SYMPK: variants seen among roughly 807,000 people sequenced by gnomAD.
SYMPK encodes symplekin.
Under a neutral mutation model 136.4 loss-of-function variants are expected in SYMPK, and 49 were observed. The ratio of observed to expected loss-of-function variants is 0.36; its 90% confidence interval spans 0.29 to 0.46. The LOEUF is 0.46. SYMPK is among the 20% of genes least tolerant of loss of function. SYMPK has a pLI of 1.00. For missense variants in SYMPK, 1,365 were observed against 1,690.0 expected (o/e 0.81, Z 3.37); for synonymous variants, 766 against 713.0 (o/e 1.07, Z -1.19).
In SYMPK at chr19:45,830,171, G is replaced by A; in HGVS notation, c.1632C>T (p.Phe544=). ...GGGGCTTCAGCACGTCGCTGAGACG[G>A]AAAATTTTCTTGCGCCCACCAGCGC... The part of the protein sequence containing the change: ...LAGAGGRKKI[F]RLSDVLKPLT... The change falls in exon 13 of 27, where the codon TTC becomes TTT. Residue 544 remains phenylalanine (F), a synonymous_variant. Coordinates refer to ENST00000245934, the MANE Select transcript of SYMPK (RefSeq NM_004819.3). The A allele has an allele frequency of 6.2e-7, 1 of 1,609,752 alleles. No homozygotes were observed. Among genetic ancestry groups the A allele is most frequent in the South Asian group, 1.1e-5 (1 of 90,126 alleles).
chr19:45,842,714 CT>C, intron 8 of SYMPK: 1 of 565,166 alleles, frequency 1.8e-6, no homozygotes. Flanking sequence ...CTCACCCTCT[CT>C]TTTAGTAAAT....
At chr19:45,830,529 C>T (rs4239536) in intron 12 of SYMPK, 222,521 of 259,938 alleles carry the variant, frequency 0.86, 95,432 homozygotes, top group East Asian at 0.9. Context: ...CTTGTGGGCA[C>T]GAGTGGAGGA....
At chr19:45,830,388 G>T in intron 12 of SYMPK, 184 bp from the exon 13 acceptor site, 1 of 675,826 alleles carries the variant, frequency 1.5e-6, no homozygotes, top group Non-Finnish European at 2.4e-6. Flanking sequence ...GGAAGAGGAT[G>T]TTATTTTGGT....
At chr19:45,829,286 C>T in intron 13 of SYMPK, 81 bp from the exon 14 acceptor site, 3 of 1,228,824 alleles carry the variant, frequency 2.4e-6, no homozygotes, top group Non-Finnish European at 2.3e-6. Context: ...ACTTCTCCCA[C>T]CCAGACGCAG....
chr19:45,847,020 C>T (rs920778719), intron 7 of SYMPK, among the ~76,000 whole-genome samples: 3 of 151,998 alleles, frequency 2.0e-5, no homozygotes, highest in Non-Finnish European at 4.4e-5. Context: ...TCTCGAACTC[C>T]TGACCCCAAG....
rs747043629 is a variant in SYMPK at position 45,848,782 on chromosome 19, T to C, written c.394A>G (p.Thr132Ala). 6.2e-7 allele frequency: 1 copy of C among 1,613,784 alleles called. No individual in the cohort carries two copies. Among genetic ancestry groups the C allele is most frequent in the South Asian group, 1.1e-5 (1 of 91,052 alleles). The change falls in exon 6 of 27, where the codon ACC (threonine) becomes GCC (alanine). Residue 132 changes from threonine to alanine, a missense_variant. Physicochemically the swap from Thr to Ala is moderately conservative, Grantham distance 58. Coordinates refer to ENST00000245934, the MANE Select transcript of SYMPK (RefSeq NM_004819.3). ...GCCACCTTGTAGAGCTGGGTCATGG[T>C]GAGGATAGCCTTCTTCACCACGTTC... Reference protein sequence around the residue: ...NVNVVKKAILTMTQLYKVALQ... With the variant: ...NVNVVKKAILAMTQLYKVALQ...
At chr19:45,824,106 C>G in intron 18 of SYMPK, 1 of 511,728 alleles carries the variant, frequency 2.0e-6, no homozygotes, top group South Asian at 2.1e-5. Flanking sequence ...CCTGGCTGGG[C>G]TGTCCTCCTG....
At chr19:45,857,620 T>C (rs1244768590) in intron 1 of SYMPK, among the ~76,000 whole-genome samples, 1 of 150,540 alleles carries the variant, frequency 6.6e-6, no homozygotes, top group Non-Finnish European at 1.5e-5. Flanking sequence ...GCCTCCCCAG[T>C]AGCTGGGACT....
intron 1 of SYMPK, among the ~76,000 whole-genome samples, chr19:45,856,642 C>T (rs1971829642): frequency 6.6e-6 from 1 of 152,118 alleles, no homozygotes; most frequent in Non-Finnish European, 1.5e-5. Context: ...CTGAAGGCTA[C>T]TGCATAAACT....
At chr19:45,855,258 A>G (rs1971796095) in intron 1 of SYMPK, 2 of 152,202 alleles carry the variant, frequency 1.3e-5, no homozygotes, top group Admixed American at 6.5e-5. Context: ...ATACATCACA[A>G]AAGGCCTGCT....
intron 9 of SYMPK, among the ~76,000 whole-genome samples, chr19:45,841,286 TCCC>T (rs34730430): frequency 4.9e-5 from 7 of 143,462 alleles, no homozygotes; most frequent in Non-Finnish European, 1.1e-4. Context: ...GCCTGGCAAT[TCCC>T]CCCCCACCTT....
In SYMPK at chr19:45,827,561, C is replaced by T. The variant is rs1424123539; in HGVS notation, c.2130G>A (p.Gln710=). The change falls in exon 16 of 27, where the codon CAG becomes CAA. Residue 710 remains glutamine, a synonymous_variant. Coordinates refer to ENST00000245934, the MANE Select transcript of SYMPK (RefSeq NM_004819.3). Reference sequence around the variant, plus strand: ...CGAGGAGGACATGCAGGTACTGGAACTGGCGGGACGGGCGCTTGAAGATCA... The same window carrying T: ...CGAGGAGGACATGCAGGTACTGGAATTGGCGGGACGGGCGCTTGAAGATCA... ...RDLIFKRPSR[Q]FQYLHVLLDL... 2.5e-6 allele frequency: 4 copies of T among 1,614,044 alleles called. No individual in the cohort carries two copies. The highest frequency in any genetic ancestry group is 3.4e-6 in the Non-Finnish European group (4 of 1,180,018).
chr19:45,848,948 G>C, intron 5 of SYMPK, 72 bp from the exon 6 acceptor site: 1 of 1,572,176 alleles, frequency 6.4e-7, no homozygotes, highest in Non-Finnish European at 8.7e-7. Context: ...CTGAGGTCCA[G>C]GAGGGAAGGG....
chr19:45,852,653 T>C (rs17651362), intron 3 of SYMPK, 118 bp from the exon 4 acceptor site: 189,303 of 1,228,840 alleles, frequency 0.15, 15,126 homozygotes, highest in Admixed American at 0.21. Context: ...TACACTCATT[T>C]CAATGCCTGG....
chr19:45,829,259 C>G, intron 13 of SYMPK, 54 bp from the exon 14 acceptor site: 1 of 1,482,306 alleles, frequency 6.7e-7, no homozygotes, highest in Non-Finnish European at 9.3e-7. Context: ...CCAGGGACTC[C>G]GCAATCGTGC....
intron 1 of SYMPK, chr19:45,862,579 G>A (rs1971994334): frequency 6.5e-6 from 1 of 153,600 alleles, no homozygotes; most frequent in Non-Finnish European, 1.4e-5. Flanking sequence ...AAGGAACACG[G>A]ACCGACAAAA....
intron 12 of SYMPK, 98 bp downstream of exon 12, chr19:45,831,282 TACAC>T (rs67226135): frequency 4.4e-6 from 3 of 675,224 alleles, no homozygotes; most frequent in Non-Finnish European, 4.5e-6. Flanking sequence ...GCATCTCAGT[TACAC>T]ACACACACGC....
At chr19:45,857,790 C>T (rs545163018) in intron 1 of SYMPK, among the ~76,000 whole-genome samples, 7 of 147,686 alleles carry the variant, frequency 4.7e-5, no homozygotes, top group Non-Finnish European at 7.4e-5. Flanking sequence ...CGCAACCAGC[C>T]GAAAATACTT....
intron 1 of SYMPK, among the ~76,000 whole-genome samples, 192 bp downstream of exon 1, chr19:45,862,866 C>CG (rs1972007450): frequency 6.6e-6 from 1 of 152,146 alleles, no homozygotes; most frequent in South Asian, 2.1e-4. Flanking sequence ...CGGTGGCGCC[C>CG]GGGGGGCCAC....
Sources: allele counts gnomAD v4.1 joint callset (sites outside exome capture counted in the v4.1 genomes callset), GRCh38; gene constraint gnomAD v4.1.1; transcripts MANE v1.5; gene names NCBI Gene and HGNC (gene_info 2026-07-23, HGNC 2026-07-21).